Variants in ATAD2 observed in about 807,000 individuals in gnomAD.
The protein encoded by ATAD2 is ATPase family AAA domain containing 2, also known as ATPase family AAA domain-containing protein 2.
Under a neutral mutation model 168.9 loss-of-function variants are expected in ATAD2, and 62 were observed. The ratio of observed to expected loss-of-function variants is 0.37; its 90% CI spans 0.30 to 0.45. The LOEUF (loss-of-function observed/expected upper bound fraction) is 0.45, where lower values mean the gene tolerates loss of function less well. Among genes scored for constraint, ATAD2 ranks in the 20% least tolerant of loss-of-function variants. The probability of loss-of-function intolerance (pLI) is 1.00; values close to 1 mark genes in which losing one functional copy is unlikely to be tolerated. For synonymous variants in ATAD2, 613 were observed against 571.6 expected (o/e 1.07, Z -1.03); for missense variants, 1,419 against 1,667.8 (o/e 0.85, Z 2.60).
intron 22 of ATAD2, among the ~76,000 whole-genome samples, chr8:123,335,824 C>T (rs1449526539): frequency 6.6e-6 from 1 of 151,806 alleles, no homozygotes; most frequent in Admixed American, 6.6e-5. Flanking sequence ...TTAATAGATG[C>T]GATAGGTGAA....
chr8:123,407,846 C>T (rs1813088274), intron 1 of ATAD2, among the ~76,000 whole-genome samples: 1 of 100,562 alleles, frequency 9.9e-6, no homozygotes, highest in Non-Finnish European at 2.0e-5. Flanking sequence ...GAGTGAGACT[C>T]CGTCTCAAAA....
chr8:123,370,947 T>A lies in ATAD2; in HGVS notation c.683A>T (p.Gln228Leu). The change falls in exon 6 of 28, where the codon CAA becomes CTA. Residue 228 changes from glutamine (Q) to leucine (L), a missense_variant. Transcript: ENST00000287394. ...MYTRGKQKDIQRTDEETTDNQ... is the reference protein window; with the variant it reads ...MYTRGKQKDILRTDEETTDNQ... ...ATCAGTTGTTTCTTCATCAGTTCTT[T>A]GAATATCTTTCTGTTTTCCTCTTGT... is the stretch of plus-strand genomic sequence containing the variant. The A allele has an allele frequency of 1.2e-6, 2 of 1,608,280 alleles. No individual in the cohort carries two copies. The highest frequency in any genetic ancestry group is 1.7e-6 in the Non-Finnish European group (2 of 1,176,674).
At position 123,346,256 on chromosome 8, in the gene ATAD2, G is replaced by A. The variant is rs1828238408; in HGVS notation, c.2362C>T (p.Pro788Ser). The A allele has an allele frequency of 6.3e-7, 1 of 1,592,918 alleles. No homozygotes were observed. The highest frequency in any genetic ancestry group is 8.5e-7 in the Non-Finnish European group (1 of 1,173,944). Residue 788 changes from proline to serine, a missense_variant, in exon 18 of 28, where the codon CCT (proline) becomes TCT (serine). By Grantham distance (74) the Pro-to-Ser change is moderately conservative (BLOSUM62 -1). Transcript: ENST00000287394. ...LHLNRNACYQ[P>S]MSFRPRILIV... is the part of the protein sequence containing the mutation. ...AATATTCTTGGTCGAAAAGACATAG[G>A]TTGGTAACAAGCATTTCTGAAAGAG... is the stretch of plus-strand genomic sequence containing the variant.
At chr8:123,384,809 T>C (rs566414892) in intron 1 of ATAD2, among the ~76,000 whole-genome samples, 26 of 152,356 alleles carry the variant, frequency 1.7e-4, no homozygotes, top group African/African-American at 4.6e-4. Context: ...AATCTTACTT[T>C]CTAAGTTTTA....
Position 123,328,435 on chromosome 8 carries a change from G to C in ATAD2, c.3623C>G (p.Thr1208Arg), listed in dbSNP as rs1180498695. ...IESDTEETQDTSVDHNETGNT... is the reference protein window; with the variant it reads ...IESDTEETQDRSVDHNETGNT... Reference sequence around the variant, plus strand: ...TCCGGTCTCATTATGATCTACACTTGTGTCTTGAGTTTCCTCTGTATCACT... The same window carrying C: ...TCCGGTCTCATTATGATCTACACTTCTGTCTTGAGTTTCCTCTGTATCACT... The change falls in exon 25 of 28, where the codon ACA becomes AGA. Residue 1208 changes from threonine (T) to arginine (R), a missense_variant. This residue lies in a region of ATAD2 where 303 missense variants were observed against 304.3 expected (regional missense o/e 1.00). Coordinates refer to ENST00000287394, the MANE Select transcript of ATAD2 (RefSeq NM_014109.4). 6.2e-7 allele frequency: 1 copy of C among 1,609,568 alleles called. No individual in the cohort carries two copies. Among genetic ancestry groups the C allele is most frequent in the Non-Finnish European group, 8.5e-7 (1 of 1,178,240 alleles).
intron 25 of ATAD2, among the ~76,000 whole-genome samples, chr8:123,326,481 G>C: frequency 6.6e-6 from 1 of 151,660 alleles, no homozygotes; most frequent in East Asian, 1.9e-4. Flanking sequence ...ACCAGCCTGG[G>C]CAACATGGGA....
At chr8:123,351,886 T>C (rs1272661033) in intron 13 of ATAD2, among the ~76,000 whole-genome samples, 1 of 152,054 alleles carries the variant, frequency 6.6e-6, no homozygotes, top group African/African-American at 2.4e-5. Context: ...TAGCTGGGAC[T>C]ACAGGCACCT....
rs1474649737 is a variant in ATAD2 at position 123,371,701 on chromosome 8, G to C, written c.505C>G (p.Gln169Glu). Residue 169 changes from glutamine to glutamate, a missense_variant, in exon 4 of 28, where the codon CAG becomes GAG. Physicochemically the swap from Gln to Glu is conservative, Grantham distance 29. Transcript: ENST00000287394. Reference sequence around the variant, plus strand: ...ATAAGTTTGTCAAACAGCATGGACTGGTTTACACCACTATAACGACTTCTA... The same window carrying C: ...ATAAGTTTGTCAAACAGCATGGACTCGTTTACACCACTATAACGACTTCTA... ...RIRSRYSGVN[Q>E]SMLFDKLITN... The C allele has an allele frequency of 1.9e-6, 3 of 1,611,798 alleles. No individual in the cohort carries two copies. The highest frequency in any genetic ancestry group is 2.5e-6 in the Non-Finnish European group (3 of 1,179,346).
At chr8:123,359,369 A>T (rs1828742680) in intron 10 of ATAD2, 33 bp from the exon 11 acceptor site, 1 of 1,499,368 alleles carries the variant, frequency 6.7e-7, no homozygotes, top group East Asian at 2.3e-5. Flanking sequence ...ACATTTTTAG[A>T]TTTGGAGTCC....
chr8:123,396,985 AAAAG>A (rs1317331493), upstream of ATAD2, among the ~76,000 whole-genome samples: 3 of 152,054 alleles, frequency 2.0e-5, no homozygotes, highest in African/African-American at 7.3e-5. Flanking sequence ...TTAACCACCA[AAAAG>A]AAAGAAAACA....
At chr8:123,383,465 T>C (rs1251997050) in intron 1 of ATAD2, among the ~76,000 whole-genome samples, 4 of 151,846 alleles carry the variant, frequency 2.6e-5, no homozygotes, top group African/African-American at 7.3e-5. Context: ...AAAACACTGG[T>C]GTAGGTGTTA....
chr8:123,362,525 C>T (rs1373549597), intron 8 of ATAD2, among the ~76,000 whole-genome samples: 4 of 151,702 alleles, frequency 2.6e-5, no homozygotes, highest in African/African-American at 9.7e-5. Flanking sequence ...GAGCAATTCT[C>T]CTGCCTCAGC....
At chr8:123,369,223 G>T in intron 7 of ATAD2, 48 bp from the exon 8 acceptor site, 2 of 661,112 alleles carry the variant, frequency 3.0e-6, no homozygotes, top group South Asian at 4.7e-5. Context: ...ATATATATAT[G>T]GCATACAAAT....
At chr8:123,406,337 A>G (rs1010611052) in intron 1 of ATAD2, among the ~76,000 whole-genome samples, 3 of 141,658 alleles carry the variant, frequency 2.1e-5, no homozygotes. Context: ...AGAAGATCAC[A>G]CCACTGCACT....
chr8:123,401,324 G>A (rs574701213), upstream of ATAD2: 3 of 1,365,726 alleles, frequency 2.2e-6, no homozygotes, highest in East Asian at 4.6e-5. Flanking sequence ...GCAGCTGTGG[G>A]CACCTGTGAG....
At chr8:123,406,685 T>C (rs1037741167) in intron 1 of ATAD2, among the ~76,000 whole-genome samples, 2 of 151,670 alleles carry the variant, frequency 1.3e-5, no homozygotes, top group African/African-American at 2.4e-5. Context: ...GGCGTTGTGG[T>C]GCACGCCAGT....
At chr8:123,355,150 A>G (rs563929602) in intron 13 of ATAD2, among the ~76,000 whole-genome samples, 1 of 152,174 alleles carries the variant, frequency 6.6e-6, no homozygotes, top group Non-Finnish European at 1.5e-5. Flanking sequence ...TACTTAACAT[A>G]TATTTTAATT....
chr8:123,400,541 G>A (rs1812982065), upstream of ATAD2: 3 of 434,522 alleles, frequency 6.9e-6, no homozygotes, highest in South Asian at 5.7e-5. The surrounding 1 kb of genome is among the most constrained non-coding windows in gnomAD (Gnocchi z 4.5). Flanking sequence ...GCAGCCGAGC[G>A]GGTGTTTATG....
chr8:123,389,984 ATTTTTTTTTT>A (rs577381945), intron 1 of ATAD2, among the ~76,000 whole-genome samples: 2 of 115,184 alleles, frequency 1.7e-5, no homozygotes, highest in African/African-American at 8.7e-5. Flanking sequence ...ATATATATAT[ATTTTTTTTTT>A]TTTAGACAGA....
Sources: gnomAD v4.1 joint callset for allele counts (sites outside exome capture counted in the v4.1 genomes callset) on GRCh38, gnomAD v4.1.1 for gene constraint, gnomAD v4.1.1 regional missense constraint, Gnocchi (gnomAD v3.1) non-coding constraint, MANE v1.5 for transcripts, NCBI Gene and HGNC (gene_info 2026-07-23, HGNC 2026-07-21) for gene names.